Variants in ROS1 observed in about 807,000 individuals in gnomAD.
ROS1 encodes proto-oncogene tyrosine-protein kinase ROS.
In ROS1, 263 loss-of-function variants were observed where a neutral mutation model predicts 273.5. The ratio of observed to expected loss-of-function variants is 0.96; its 90% CI spans 0.87 to 1.06. The LOEUF is 1.06. ROS1 is among the 50% of genes least tolerant of loss of function. ROS1 has a pLI of 0.00. For missense variants in ROS1, 2,833 were observed against 2,751.1 expected (o/e 1.03, Z -0.67); for synonymous variants, 1,008 against 954.1 (o/e 1.06, Z -1.04).
chr6:117,330,136 G>A (rs1056051568), intron 32 of ROS1, among the ~76,000 whole-genome samples: 5 of 152,236 alleles, frequency 3.3e-5, no homozygotes, highest in African/African-American at 1.2e-4. Flanking sequence ...TCCCCTGCGG[G>A]AGCCAGCGAG....
chr6:117,339,439 T>C (rs1389095189), intron 31 of ROS1, among the ~76,000 whole-genome samples: 1 of 152,162 alleles, frequency 6.6e-6, no homozygotes, highest in African/African-American at 2.4e-5. Flanking sequence ...AAAACATTAC[T>C]AATTAAAGAG....
chr6:117,425,176 C>A (rs1266251359), intron 1 of ROS1, among the ~76,000 whole-genome samples: 1 of 152,114 alleles, frequency 6.6e-6, no homozygotes, highest in Non-Finnish European at 1.5e-5. Context: ...ATCCTGTGGC[C>A]AAACCGATTT....
At chr6:117,361,195 ATT>A (rs143632057) in intron 22 of ROS1, among the ~76,000 whole-genome samples, 1 of 151,474 alleles carries the variant, frequency 6.6e-6, no homozygotes, top group Non-Finnish European at 1.5e-5. Context: ...AGTAAAGTTT[ATT>A]TTTTTTCTTA....
rs1778195061 is a variant in ROS1, at chr6:117,344,274, A to T, written c.4304-12T>A. Reference sequence around the variant, plus strand: ...CAGAAACGCTTTATCTAAAATAAGAAGAAACCAAAAGATTAAATATCTATA... The same window carrying T: ...CAGAAACGCTTTATCTAAAATAAGATGAAACCAAAAGATTAAATATCTATA... On this transcript the variant is annotated splice_polypyrimidine_tract_variant and intron_variant, in intron 27 of 43. Coordinates refer to ENST00000368507, the MANE Select transcript of ROS1 (RefSeq NM_001378902.1). 1 of 1,589,284 alleles carries T rather than the reference A, an allele frequency of 6.3e-7. No individual in the cohort carries two copies. Among genetic ancestry groups the T allele is most frequent in the Non-Finnish European group, 8.6e-7 (1 of 1,158,278 alleles).
At chr6:117,386,868 A>G (rs1304624580) in intron 15 of ROS1, 21 bp downstream of exon 15, 2 of 1,232,698 alleles carry the variant, frequency 1.6e-6, no homozygotes, top group African/African-American at 3.0e-5. Context: ...CATTCAAGTG[A>G]ACAGAGGACT....
At chr6:117,396,055 C>T in intron 9 of ROS1, 133 bp downstream of exon 9, 1 of 505,864 alleles carries the variant, frequency 2.0e-6, no homozygotes, top group East Asian at 2.9e-5. Flanking sequence ...TTAACAAGTA[C>T]CCAAAAGACA....
At chr6:117,342,641 C>A in intron 28 of ROS1, 97 bp from the exon 29 acceptor site, 1 of 788,316 alleles carries the variant, frequency 1.3e-6, no homozygotes, top group South Asian at 2.2e-5. Flanking sequence ...GTTAAAGGCT[C>A]AAAAAAATTA....
chr6:117,392,854 T>C (rs760662901), intron 12 of ROS1, among the ~76,000 whole-genome samples: 1 of 151,960 alleles, frequency 6.6e-6, no homozygotes, highest in Non-Finnish European at 1.5e-5. Flanking sequence ...AAGGAACAGG[T>C]GGAATGAAGG....
intron 27 of ROS1, among the ~76,000 whole-genome samples, chr6:117,349,454 T>C (rs1778632856): frequency 6.6e-6 from 1 of 152,026 alleles, no homozygotes; most frequent in African/African-American, 2.4e-5. Flanking sequence ...ATATGATGTG[T>C]CTTTATATTT....
Position 117,287,781 on chromosome 6 carries a change from G to A in ROS1, c.*711C>T, listed in dbSNP as rs1002370590. Among the ~76,000 whole-genome samples the A allele has an allele frequency of 2.6e-5, 4 of 151,956 alleles. No individual in the cohort carries two copies. The highest frequency in any genetic ancestry group is 1.3e-4 in the Admixed American group (2 of 15,262). On this transcript the variant is annotated 3_prime_UTR_variant, in exon 44 of 44. Coordinates refer to ENST00000368507, the MANE Select transcript of ROS1 (RefSeq NM_001378902.1). ...CTAAAAATACAAAAATTAGCCGGGC[G>A]TGGTGGCACACGCCTGTAATCCCAG...
In ROS1 at chr6:117,318,216, C is replaced by T. The variant is rs2128556891; in HGVS notation, c.5959G>A (p.Glu1987Lys). 1 of 1,612,930 alleles carries T rather than the reference C, an allele frequency of 6.2e-7. No homozygotes were observed. Among genetic ancestry groups the T allele is most frequent in the Non-Finnish European group, 8.5e-7 (1 of 1,179,298 alleles). Reference sequence around the variant, plus strand: ...ATCAGATGTGCCTCCTTCAGGAATTCAATCTTCTCCTGGTCTGTGGAACCC... The same window carrying T: ...ATCAGATGTGCCTCCTTCAGGAATTTAATCTTCTCCTGGTCTGTGGAACCC... ...KKGSTDQEKI[E>K]FLKEAHLMSK... Residue 1987 changes from glutamate to lysine, a missense_variant, in exon 38 of 44, where the codon GAA (glutamate) becomes AAA (lysine). Physicochemically the swap from Glu to Lys is moderately conservative, Grantham distance 56 (BLOSUM62 1). Coordinates refer to ENST00000368507, the MANE Select transcript of ROS1 (RefSeq NM_001378902.1).
At chr6:117,292,252 G>A (rs994610567) in intron 43 of ROS1, among the ~76,000 whole-genome samples, 1 of 152,266 alleles carries the variant, frequency 6.6e-6, no homozygotes, top group African/African-American at 2.4e-5. Flanking sequence ...TTACAGGTAT[G>A]AGCCACAGCG....
intron 7 of ROS1, among the ~76,000 whole-genome samples, chr6:117,397,696 G>A (rs1562364085): frequency 6.6e-6 from 1 of 152,188 alleles, no homozygotes; most frequent in East Asian, 1.9e-4. Flanking sequence ...GGCTGACTGA[G>A]CTTCAGCACC....
rs946379450 is a variant in ROS1, at chr6:117,387,737, C to T, written c.1999+43G>A. On this transcript the variant is annotated intron_variant, in intron 14 of 43. Transcript: ENST00000368507. ...ATTTAAAGGGCACTCAGCTAGTCCT[C>T]TTTTTGTGAGAGTCACTCCCTAAAT... The T allele has an allele frequency of 8.8e-6, 14 of 1,583,642 alleles. No homozygotes were observed. In the Middle Eastern group the frequency reaches 5.3e-4, roughly 60 times the overall value.
chr6:117,394,074 A>C, intron 11 of ROS1, 88 bp downstream of exon 11: 1 of 798,716 alleles, frequency 1.3e-6, no homozygotes, highest in Non-Finnish European at 1.9e-6. Flanking sequence ...GTATTGAATA[A>C]GGCAATTGTG....
chr6:117,375,209 A>T (rs1781214200), intron 18 of ROS1, among the ~76,000 whole-genome samples: 1 of 152,256 alleles, frequency 6.6e-6, no homozygotes, highest in African/African-American at 2.4e-5. Context: ...ACCAAAAAGT[A>T]CATTCTCACT....
chr6:117,413,852 A>G (rs113509990), intron 4 of ROS1, among the ~76,000 whole-genome samples: 4,338 of 152,186 alleles, frequency 0.029, 215 homozygotes, highest in African/African-American at 0.098. Context: ...ATGGTGGCAC[A>G]TGCCTGTAGC....
chr6:117,319,308 G>A (rs1409109736), intron 37 of ROS1, among the ~76,000 whole-genome samples: 1 of 152,080 alleles, frequency 6.6e-6, no homozygotes, highest in Non-Finnish European at 1.5e-5. Context: ...TATAGCCTAT[G>A]ATCTGAAAAT....
chr6:117,391,581 C>CAA (rs1179060488), intron 12 of ROS1, among the ~76,000 whole-genome samples: 7 of 152,186 alleles, frequency 4.6e-5, no homozygotes, highest in Non-Finnish European at 8.8e-5. Context: ...AATACCAGGA[C>CAA]AATACACTGT....
Sources: gnomAD v4.1 joint callset for allele counts (sites outside exome capture counted in the v4.1 genomes callset) on GRCh38, gnomAD v4.1.1 for gene constraint, MANE v1.5 for transcripts, NCBI Gene and HGNC (gene_info 2026-07-23, HGNC 2026-07-21) for gene names.